Variants in TMC2 observed in about 807,000 individuals in gnomAD.
The protein encoded by TMC2 is transmembrane channel-like protein 2.
In TMC2, 102 loss-of-function variants were observed where a neutral mutation model predicts 105.9. That is an observed-to-expected ratio of 0.96 (90% CI 0.82 to 1.14). The LOEUF (loss-of-function observed/expected upper bound fraction) is 1.14, where lower values mean the gene tolerates loss of function less well. Among genes scored for constraint, TMC2 ranks in the 50% most tolerant of loss-of-function variants. The pLI, the probability that TMC2 is intolerant of heterozygous loss-of-function variation, is 0.00. For synonymous variants in TMC2, 402 were observed against 422.8 expected (o/e 0.95, Z 0.60); for missense variants, 1,093 against 1,134.3 (o/e 0.96, Z 0.52).
rs767590070 is a variant in TMC2 at position 2,537,289 on chromosome 20, C to T, written c.55C>T (p.Arg19Trp). The T allele has an allele frequency of 1.1e-5, 17 of 1,603,778 alleles. No individual in the cohort carries two copies. Among genetic ancestry groups the T allele is most frequent in the Admixed American group, 1.0e-4 (6 of 58,436 alleles). The part of the protein sequence containing the change: ...KEEARGGVKG[R>W]VKSGSPHTGD... The stretch of plus-strand genomic sequence containing the variant: ...TACAGCACGAGGCGGAGTGAAAGGG[C>T]GGGTGAAGAGCGGCTCTCCACACAC... Residue 19 changes from arginine (R) to tryptophan (W), a missense_variant, in exon 2 of 20, where the codon CGG becomes TGG. Arg to Trp is a moderately radical substitution (Grantham distance 101). Transcript: ENST00000358864.
intron 2 of TMC2, among the ~76,000 whole-genome samples, chr20:2,538,200 G>A: frequency 6.6e-6 from 1 of 152,142 alleles, no homozygotes; most frequent in Admixed American, 6.5e-5. Context: ...CTGAGCTTCA[G>A]TGAGGCCGCT....
In TMC2 at chr20:2,579,959, G is replaced by T. The variant is rs751209863; in HGVS notation, c.737G>T (p.Gly246Val). The T allele has an allele frequency of 1.9e-6, 3 of 1,613,432 alleles. No individual in the cohort carries two copies. Among genetic ancestry groups the T allele is most frequent in the Non-Finnish European group, 2.5e-6 (3 of 1,179,574 alleles). ...MKIKDIESHF[G>V]SSVASYFIFL... ...TCTTTTCTCTCTCTAGGTCACTTTGGTTCTTCAGTGGCATCGTATTTCATC... is the reference window on the plus strand; with the variant it reads ...TCTTTTCTCTCTCTAGGTCACTTTGTTTCTTCAGTGGCATCGTATTTCATC... The change falls in exon 7 of 20, where the codon GGT becomes GTT. Residue 246 changes from glycine to valine, a missense_variant. Gly to Val is a moderately radical substitution (Grantham distance 109, BLOSUM62 -3). Transcript: ENST00000358864.
rs202174178 is a variant in TMC2, at chr20:2,537,277, G to A, written c.43G>A (p.Gly15Arg). 2.2e-4 allele frequency: 346 copies of A among 1,603,546 alleles called. 5 individuals are homozygous for A. In the Admixed American group the frequency reaches 3.0e-3, roughly 14 times the overall value. The change falls in exon 2 of 20, where the codon GGA becomes AGA. Residue 15 changes from glycine to arginine, a missense_variant. Transcript: ENST00000358864. The part of the protein sequence containing the change: ...VKGLKEEARG[G>R]VKGRVKSGSP... ...AATCCTGTCTCTTACAGCACGAGGC[G>A]GAGTGAAAGGGCGGGTGAAGAGCGG...
intron 17 of TMC2, among the ~76,000 whole-genome samples, chr20:2,631,811 ATTTGGG>A (rs2086605567): frequency 6.6e-6 from 1 of 150,772 alleles, no homozygotes; most frequent in African/African-American, 2.4e-5. Flanking sequence ...TTTTCATCAT[ATTTGGG>A]GATGAAATCT....
In TMC2 at chr20:2,579,191, T is replaced by C. The variant is rs774355032; in HGVS notation, c.691T>C (p.Cys231Arg). The C allele has an allele frequency of 1.9e-6, 3 of 1,603,746 alleles. No individual in the cohort carries two copies. Among genetic ancestry groups the C allele is most frequent in the South Asian group, 2.2e-5 (2 of 90,862 alleles). Residue 231 changes from cysteine to arginine, a missense_variant, in exon 6 of 20, where the codon TGT (cysteine) becomes CGT (arginine). Cys to Arg is a radical substitution (Grantham distance 180). Transcript: ENST00000358864. The stretch of plus-strand genomic sequence containing the variant: ...AGACTTTGATAATTTCAAGACTCAA[T>C]GTATCCCCTGGGAAATGAAGATCAA... ...KRDFDNFKTQ[C>R]IPWEMKIKDI...
At chr20:2,635,171 C>T (rs2086632728) in intron 17 of TMC2, among the ~76,000 whole-genome samples, 1 of 152,160 alleles carries the variant, frequency 6.6e-6, no homozygotes, top group African/African-American at 2.4e-5. Context: ...GACCTTAGGA[C>T]CTGTGAAAAG....
intron 19 of TMC2, among the ~76,000 whole-genome samples, chr20:2,640,554 T>C (rs984700502): frequency 6.6e-6 from 1 of 152,020 alleles, no homozygotes; most frequent in African/African-American, 2.4e-5. Context: ...TGCATCAAGC[T>C]AGTGCAAGGG....
intron 19 of TMC2, among the ~76,000 whole-genome samples, chr20:2,637,938 G>A (rs756003245): frequency 6.5e-4 from 99 of 152,194 alleles, no homozygotes; most frequent in Admixed American, 3.8e-3. Context: ...TTATAATGGA[G>A]CTGAATAATT....
chr20:2,545,757 A>G (rs1050831658), intron 2 of TMC2, among the ~76,000 whole-genome samples: 2 of 151,752 alleles, frequency 1.3e-5, no homozygotes, highest in African/African-American at 4.8e-5. Flanking sequence ...AGGAAGAAGA[A>G]GACGAGGAAG....
chr20:2,633,998 T>C (rs2146268496), intron 17 of TMC2, among the ~76,000 whole-genome samples: 1 of 152,390 alleles, frequency 6.6e-6, no homozygotes, highest in Admixed American at 6.5e-5. Flanking sequence ...ACTTTAGCCT[T>C]GGATGGGCTT....
rs1054974707 is a variant in TMC2, at chr20:2,616,153, T to C, written c.1889T>C (p.Phe630Ser). The C allele has an allele frequency of 6.2e-7, 1 of 1,613,376 alleles. No individual in the cohort carries two copies. The highest frequency in any genetic ancestry group is 1.1e-5 in the South Asian group (1 of 91,068). Residue 630 changes from phenylalanine (F) to serine (S), a missense_variant, in exon 15 of 20, where the codon TTT becomes TCT. Phe to Ser is a radical substitution (Grantham distance 155). Transcript: ENST00000358864. The surrounding 1 kb of genome is among the most constrained non-coding windows in gnomAD (Gnocchi z 4.8). ...LEAGFPSYAEFDISGNVLGLI... is the reference protein window; with the variant it reads ...LEAGFPSYAESDISGNVLGLI... ...CCTCTCTAGCCTTCATATGCTGAGT[T>C]TGATATTAGTGGAAATGTGCTGGGT...
Position 2,641,114 on chromosome 20 carries a change from T to C in TMC2, c.2504-20T>C. 6.2e-7 allele frequency: 1 copy of C among 1,610,242 alleles called. No individual in the cohort carries two copies. Among genetic ancestry groups the C allele is most frequent in the Non-Finnish European group, 8.5e-7 (1 of 1,176,618 alleles). The stretch of plus-strand genomic sequence containing the variant: ...ACAAAATCTCCCACTTCCTCTTTCT[T>C]GTCTTGGTTCGTTTTCCAGAGACCA... On this transcript the variant is annotated intron_variant, in intron 19 of 19. Transcript: ENST00000358864.
chr20:2,563,220 C>T (rs967645456), intron 4 of TMC2, among the ~76,000 whole-genome samples: 1 of 152,164 alleles, frequency 6.6e-6, no homozygotes, highest in Non-Finnish European at 1.5e-5. Flanking sequence ...GCAGTATTTA[C>T]CCCAACAGGC....
In TMC2 at chr20:2,616,950, G is replaced by A. The variant is rs1445966116; in HGVS notation, c.1941-122G>A. 8.8e-7 allele frequency: 1 copy of A among 1,130,740 alleles called. No individual in the cohort carries two copies. Among genetic ancestry groups the A allele is most frequent in the Non-Finnish European group, 1.3e-6 (1 of 787,730 alleles). The allele number at this position is 1,130,740 out of a possible 1,614,324, so 70.0% of individuals were successfully genotyped here. ...TTAAATGGGAGGCCCCTTACCTGGGGACTTGCCAGGAAAGCAGCTCGGCCT... is the reference window on the plus strand; with the variant it reads ...TTAAATGGGAGGCCCCTTACCTGGGAACTTGCCAGGAAAGCAGCTCGGCCT... On this transcript the variant is annotated intron_variant, in intron 15 of 19. Transcript: ENST00000358864. This position sits in a 1 kb window ranked among gnomAD's most constrained non-coding sequence, Gnocchi z 4.8.
chr20:2,613,680 G>A (rs1568525066), intron 14 of TMC2: 4 of 328,692 alleles, frequency 1.2e-5, no homozygotes, highest in East Asian at 8.0e-5. Flanking sequence ...CAGTGGAGGC[G>A]AATATTTCAG....
At chr20:2,632,183 A>G (rs1302675571) in intron 17 of TMC2, among the ~76,000 whole-genome samples, 2 of 151,940 alleles carry the variant, frequency 1.3e-5, no homozygotes, top group Non-Finnish European at 2.9e-5. Flanking sequence ...CACCACACCT[A>G]GCTAATTTGT....
At chr20:2,602,436 G>T (rs2086358967) in intron 11 of TMC2, 135 bp downstream of exon 11, 3 of 631,876 alleles carry the variant, frequency 4.7e-6, no homozygotes. Context: ...TCCCCTTCCA[G>T]TCAAATAGCA....
At chr20:2,612,057 G>A (rs2086444032) in intron 12 of TMC2, 134 bp from the exon 13 acceptor site, 2 of 829,184 alleles carry the variant, frequency 2.4e-6, no homozygotes, top group Non-Finnish European at 3.5e-6. Context: ...AGGGAATTTT[G>A]GAAGGACTCT....
intron 3 of TMC2, among the ~76,000 whole-genome samples, chr20:2,559,443 T>C (rs951067207): frequency 1.3e-5 from 2 of 152,212 alleles, no homozygotes; most frequent in Non-Finnish European, 2.9e-5. Flanking sequence ...GTTTTTGTTA[T>C]CAATTTTAAT....
Sources: gnomAD v4.1 joint callset for allele counts (sites outside exome capture counted in the v4.1 genomes callset) on GRCh38, gnomAD v4.1.1 for gene constraint, Gnocchi (gnomAD v3.1) non-coding constraint, MANE v1.5 for transcripts, NCBI Gene and HGNC (gene_info 2026-07-23, HGNC 2026-07-21) for gene names.